The following AVEN variants were observed in gnomAD, a reference collection of about 807,000 sequenced individuals.
AVEN encodes the protein apoptosis and caspase activation inhibitor.
In AVEN, 41 loss-of-function variants were observed where a neutral mutation model predicts 38.1. The observed-to-expected ratio is 1.08, with a 90% CI of 0.84 to 1.40. AVEN has a LOEUF of 1.40. Among genes scored for constraint, AVEN ranks in the 40% most tolerant of loss-of-function variants. The probability of loss-of-function intolerance (pLI) is 0.00; values close to 1 mark genes in which losing one functional copy is unlikely to be tolerated. For synonymous variants in AVEN, 206 were observed against 171.8 expected, an observed-to-expected ratio of 1.20 and a Z score of -1.56; for missense variants, 605 against 438.8, an observed-to-expected ratio of 1.38 and a Z score of -3.38.
intron 2 of AVEN, among the ~76,000 whole-genome samples, chr15:33,962,825 C>G (rs1895240284): frequency 6.7e-6 from 1 of 148,466 alleles, no homozygotes; most frequent in African/African-American, 2.5e-5. Flanking sequence ...GAGGCTGAGG[C>G]AGGAGAATGG....
At chr15:33,901,584 C>T (rs957353971) in intron 2 of AVEN, among the ~76,000 whole-genome samples, 2 of 152,176 alleles carry the variant, frequency 1.3e-5, no homozygotes, top group African/African-American at 2.4e-5. Flanking sequence ...TATTTAGGAA[C>T]CTCCATACTG....
rs534317434 is a variant in AVEN at position 33,924,703 on chromosome 15, T to TGA, written c.446-48710_446-48709dup. Among the ~76,000 whole-genome samples the TGA allele has an allele frequency of 3.2e-4, 49 of 152,318 alleles. No individual in the cohort carries two copies. In the South Asian group the frequency reaches 9.3e-3, roughly 29 times the overall value. On this transcript the variant is annotated intron_variant, in intron 2 of 5. Transcript: ENST00000306730. The stretch of plus-strand genomic sequence containing the variant: ...GTTCATGGAGTTTTTCAAAGCATTT[T>TGA]GAAGTATTAAATTATTTGAAGCATT...
At chr15:33,914,160 A>AC (rs35840258) in intron 2 of AVEN, among the ~76,000 whole-genome samples, 15,021 of 150,822 alleles carry the variant, frequency 0.1, 1,175 homozygotes, top group African/African-American at 0.22. Context: ...ATTTAATATA[A>AC]CCCCCCCCCA....
At chr15:33,914,068 G>A (rs1893022345) in intron 2 of AVEN, among the ~76,000 whole-genome samples, 1 of 152,326 alleles carries the variant, frequency 6.6e-6, no homozygotes, top group African/African-American at 2.4e-5. Flanking sequence ...GGGAGGAGCA[G>A]ATGAATAGAA....
At chr15:33,965,384 C>A (rs1232731719) in intron 2 of AVEN, among the ~76,000 whole-genome samples, 1 of 152,114 alleles carries the variant, frequency 6.6e-6, no homozygotes, top group Non-Finnish European at 1.5e-5. Context: ...AAAAGGAAGC[C>A]GTTGCCATGG....
intron 2 of AVEN, among the ~76,000 whole-genome samples, chr15:33,977,103 A>T (rs1376446394): frequency 6.6e-6 from 1 of 152,208 alleles, no homozygotes; most frequent in East Asian, 1.9e-4. Context: ...GGTACCAAGG[A>T]GATAGGAAGG....
At chr15:33,977,165 A>C (rs79187325) in intron 2 of AVEN, among the ~76,000 whole-genome samples, 2,202 of 152,342 alleles carry the variant, frequency 0.014, 51 homozygotes, top group African/African-American at 0.049. Flanking sequence ...TTTTAGCAAC[A>C]AAATGAACAA....
chr15:34,035,593 C>T (rs997331702), intron 1 of AVEN, among the ~76,000 whole-genome samples: 5 of 151,992 alleles, frequency 3.3e-5, no homozygotes, highest in African/African-American at 4.8e-5. Context: ...AGTTATTTAA[C>T]GGTGCCTCAG....
At chr15:33,997,103 CTAGAAAATA>C (rs1896967379) in intron 2 of AVEN, among the ~76,000 whole-genome samples, 1 of 152,122 alleles carries the variant, frequency 6.6e-6, no homozygotes, top group African/African-American at 2.4e-5. Flanking sequence ...ATTAGAACTT[CTAGAAAATA>C]TAGGAGAACA....
chr15:34,019,317 A>T (rs1431470958), intron 1 of AVEN, among the ~76,000 whole-genome samples: 1 of 152,254 alleles, frequency 6.6e-6, no homozygotes. Context: ...ATAAAGATAT[A>T]TTTTGGTACA....
chr15:33,897,843 C>T (rs2153042288), intron 2 of AVEN, among the ~76,000 whole-genome samples: 1 of 152,214 alleles, frequency 6.6e-6, no homozygotes, highest in South Asian at 2.1e-4. Flanking sequence ...GATTGTGCCA[C>T]TGCACTCCAG....
chr15:33,991,475 A>G (rs898293770), intron 2 of AVEN: 2 of 151,522 alleles, frequency 1.3e-5, no homozygotes, highest in African/African-American at 2.4e-5. Flanking sequence ...GTAAATATAT[A>G]TATCTACTAC....
At chr15:33,855,500 G>A (rs765100104), downstream of AVEN, among the ~76,000 whole-genome samples, 12 of 152,126 alleles carry the variant, frequency 7.9e-5, no homozygotes, top group South Asian at 2.1e-4. Context: ...CATCGTGCCC[G>A]GCCGGAGATC....
chr15:33,941,309 T>A (rs1227674347), intron 2 of AVEN, among the ~76,000 whole-genome samples: 1 of 152,230 alleles, frequency 6.6e-6, no homozygotes, highest in African/African-American at 2.4e-5. Flanking sequence ...GTTTTTTTTT[T>A]GTTTTGCTTC....
At chr15:33,993,896 G>A (rs887412729) in intron 2 of AVEN, among the ~76,000 whole-genome samples, 36 of 152,036 alleles carry the variant, frequency 2.4e-4, no homozygotes, top group Non-Finnish European at 4.4e-5. Flanking sequence ...CGAATTCTGT[G>A]GGCATGTTTC....
At chr15:34,056,593 A>G (rs1345315688) in intron 5 of AVEN, among the ~76,000 whole-genome samples, 1 of 152,248 alleles carries the variant, frequency 6.6e-6, no homozygotes, top group East Asian at 1.9e-4. Flanking sequence ...AACCTTTTCA[A>G]TCATGCATTT....
upstream of AVEN, among the ~76,000 whole-genome samples, chr15:34,040,372 A>G (rs1265913198): frequency 6.6e-6 from 1 of 152,202 alleles, no homozygotes; most frequent in Non-Finnish European, 1.5e-5. Context: ...CTAAAGCCTA[A>G]TGGTTGAGTA....
chr15:34,038,835 G>T lies in AVEN; in HGVS notation c.212C>A (p.Ala71Asp). 1 of 1,188,946 alleles carries T rather than the reference G, an allele frequency of 8.4e-7. No individual in the cohort carries two copies. Among genetic ancestry groups the T allele is most frequent in the Non-Finnish European group, 1.0e-6 (1 of 960,718 alleles). 73.6% of individuals were successfully genotyped at this position (1,188,946 alleles called of 1,614,324 possible). ...GARGGRGGGGAPRGSRREPGG... is the reference protein window; with the variant it reads ...GARGGRGGGGDPRGSRREPGG... ...CGGCTCCCGGCGGCTGCCTCGCGGG[G>T]CGCCTCCTCCTCCTCGGCCTCCGCG... The change falls in exon 1 of 6, where the codon GCC becomes GAC. Residue 71 changes from alanine to aspartate, a missense_variant. Ala to Asp is a moderately radical substitution (Grantham distance 126). Coordinates refer to ENST00000306730, the MANE Select transcript of AVEN (RefSeq NM_020371.3).
intron 2 of AVEN, among the ~76,000 whole-genome samples, chr15:33,924,071 TC>T (rs201803346): frequency 5.3e-5 from 8 of 151,466 alleles, no homozygotes; most frequent in African/African-American, 1.7e-4. Flanking sequence ...CCCTAAACTA[TC>T]CCCCCCTTTT....
Sources: allele counts gnomAD v4.1 joint callset (sites outside exome capture counted in the v4.1 genomes callset), GRCh38; gene constraint gnomAD v4.1.1; transcripts MANE v1.5; gene names NCBI Gene and HGNC (gene_info 2026-07-23, HGNC 2026-07-21).